Variants in SORT1 observed in about 807,000 individuals in gnomAD.
SORT1 encodes the protein sortilin 1, also known as sortilin.
Under a neutral mutation model 101.7 loss-of-function variants are expected in SORT1, and 39 were observed. That is an observed-to-expected ratio of 0.38 (90% CI 0.30 to 0.50). SORT1 has a LOEUF of 0.50. Ranked by LOEUF, SORT1 falls within the 20% of genes least tolerant of loss-of-function variation. SORT1 has a pLI of 0.90. For synonymous variants in SORT1, 396 were observed against 393.7 expected (o/e 1.01, Z -0.07); for missense variants, 878 against 1,040.4 (o/e 0.84, Z 2.15).
intron 7 of SORT1, among the ~76,000 whole-genome samples, 184 bp downstream of exon 7, chr1:109,347,299 T>C (rs1248669646): frequency 6.6e-6 from 1 of 152,238 alleles, no homozygotes; most frequent in East Asian, 1.9e-4. Flanking sequence ...TATTTTTACT[T>C]GATCTGGGTA....
chr1:109,352,531 G>C (rs1411046625), intron 5 of SORT1, among the ~76,000 whole-genome samples: 1 of 152,178 alleles, frequency 6.6e-6, no homozygotes, highest in Non-Finnish European at 1.5e-5. Context: ...ATGGGACAGA[G>C]ATGTCCTAGT....
In SORT1 at chr1:109,397,908, C is replaced by T. The variant is rs1434157551; in HGVS notation, c.-16G>A. On this transcript the variant is annotated 5_prime_UTR_variant, in exon 1 of 20. Coordinates refer to ENST00000256637, the MANE Select transcript of SORT1 (RefSeq NM_002959.7). ...GCCGCTCCATCGCCGCCGAATGCCG[C>T]CGACGCCGACACCTGCCGCCCGGCG... 3.5e-6 allele frequency: 4 copies of T among 1,145,020 alleles called. No homozygotes were observed. Among genetic ancestry groups the T allele is most frequent in the Non-Finnish European group, 4.3e-6 (4 of 934,542 alleles). The allele number at this position is 1,145,020 out of a possible 1,614,324, so 70.9% of individuals were successfully genotyped here. A position where few individuals can be genotyped will look rare whatever the true frequency, so the allele number is the denominator to read the frequency against.
At position 109,316,867 on chromosome 1, in the gene SORT1, A is replaced by G. The variant is rs1647256204; in HGVS notation, c.2233T>C (p.Leu745=). 6.2e-7 allele frequency: 1 copy of G among 1,609,854 alleles called. No homozygotes were observed. ...TAACATACCTGTTTTTCCGGACTCA[A>G]AAAGTTGCTTGTGCATTTCTTTTTC... The part of the protein sequence containing the change: ...DLKKKCTSNF[L]SPEKQNSKSN... Residue 745 remains leucine, a synonymous_variant, in exon 17 of 20, where the codon TTG becomes CTG. Coordinates refer to ENST00000256637, the MANE Select transcript of SORT1 (RefSeq NM_002959.7).
At chr1:109,350,817 C>T in intron 6 of SORT1, 112 bp downstream of exon 6, 1 of 774,030 alleles carries the variant, frequency 1.3e-6, no homozygotes, top group Non-Finnish European at 2.3e-6. Context: ...CTTATGGCAC[C>T]CTGAAGAGTA....
chr1:109,322,086 TTTTC>T (rs1168328454), intron 15 of SORT1, among the ~76,000 whole-genome samples: 5 of 151,606 alleles, frequency 3.3e-5, no homozygotes, highest in East Asian at 1.9e-4. Context: ...TGTCAAGGGG[TTTTC>T]TTTTTCTTTC....
chr1:109,361,808 T>C (rs1650739982), intron 3 of SORT1, among the ~76,000 whole-genome samples: 1 of 152,244 alleles, frequency 6.6e-6, no homozygotes, highest in Non-Finnish European at 1.5e-5. Context: ...CAGTCATTTA[T>C]AGACATTCAT....
intron 3 of SORT1, chr1:109,366,899 T>C (rs1651126990): frequency 8.4e-6 from 1 of 118,556 alleles, no homozygotes; most frequent in Admixed American, 1.0e-4. Flanking sequence ...GTGACAGAGC[T>C]AGACCCTGCT....
At chr1:109,363,168 G>C (rs1008198223) in intron 3 of SORT1, among the ~76,000 whole-genome samples, 2 of 152,134 alleles carry the variant, frequency 1.3e-5, no homozygotes, top group Non-Finnish European at 2.9e-5. Context: ...ATATAACATT[G>C]GTGTAGAATA....
chr1:109,365,070 G>A (rs927773150), intron 3 of SORT1, among the ~76,000 whole-genome samples: 6 of 152,186 alleles, frequency 3.9e-5, no homozygotes, highest in African/African-American at 1.2e-4. Context: ...CAACATCAAA[G>A]GGGAAGGTCA....
At chr1:109,340,589 A>AAT in intron 10 of SORT1, 135 bp downstream of exon 10, 1 of 845,806 alleles carries the variant, frequency 1.2e-6, no homozygotes, top group Non-Finnish European at 1.8e-6. Context: ...AAAAAAAAAA[A>AAT]GGAAACAAAA....
At chr1:109,390,841 A>G (rs1454776238) in intron 1 of SORT1, among the ~76,000 whole-genome samples, 3 of 151,864 alleles carry the variant, frequency 2.0e-5, no homozygotes, top group African/African-American at 7.3e-5. Context: ...TAAAATGCTT[A>G]TCCAAAGCAA....
At chr1:109,355,275 C>T (rs1197488924) in intron 4 of SORT1, 92 bp downstream of exon 4, 11 of 743,018 alleles carry the variant, frequency 1.5e-5, no homozygotes, top group Non-Finnish European at 2.7e-5. Flanking sequence ...AAATACATTA[C>T]TGTGAATCAC....
At chr1:109,358,820 T>C (rs1326865490) in intron 3 of SORT1, among the ~76,000 whole-genome samples, 2 of 149,888 alleles carry the variant, frequency 1.3e-5, no homozygotes, top group Non-Finnish European at 3.0e-5. Context: ...GCCACTGCAC[T>C]GCAGCCTGGG....
At chr1:109,351,809 T>C (rs1649978045) in intron 5 of SORT1, among the ~76,000 whole-genome samples, 1 of 152,186 alleles carries the variant, frequency 6.6e-6, no homozygotes, top group Admixed American at 6.5e-5. Context: ...GGGTCCAGAC[T>C]AGAGGCAAGG....
chr1:109,347,574 T>C, intron 6 of SORT1, 42 bp from the exon 7 acceptor site: 1 of 1,395,552 alleles, frequency 7.2e-7, no homozygotes, highest in Non-Finnish European at 1.0e-6. Context: ...GGTTTAAGAC[T>C]GCTGAAGGAC....
In SORT1 at chr1:109,311,835, C is replaced by G. The variant is rs1658745927; in HGVS notation, c.*2208G>C. On this transcript the variant is annotated 3_prime_UTR_variant, in exon 20 of 20. Transcript: ENST00000256637. ...GCAGCCTTGCTCAAAGTGGTTAGCA[C>G]TCGCATGTGTAAAGATTTCCAAGAG... The G allele has an allele frequency of 6.6e-6, 1 of 152,478 alleles. No individual in the cohort carries two copies. The highest frequency in any genetic ancestry group is 6.5e-5 in the Admixed American group (1 of 15,286). 9.4% of individuals were successfully genotyped at this position (152,478 alleles called of 1,614,324 possible).
At chr1:109,359,369 G>A (rs1340335924) in intron 3 of SORT1, among the ~76,000 whole-genome samples, 1 of 151,906 alleles carries the variant, frequency 6.6e-6, no homozygotes, top group African/African-American at 2.4e-5. Context: ...GAGTTCAGAG[G>A]GAACATAAAC....
intron 1 of SORT1, among the ~76,000 whole-genome samples, chr1:109,394,190 T>C (rs1653065439): frequency 6.6e-6 from 1 of 152,184 alleles, no homozygotes; most frequent in Non-Finnish European, 1.5e-5. Context: ...TCATCCCTTT[T>C]GTTTGTTTTT....
chr1:109,317,982 G>T lies in SORT1; in HGVS notation c.2025-13C>A. 6.5e-7 allele frequency: 1 copy of T among 1,539,252 alleles called. No individual in the cohort carries two copies. The highest frequency in any genetic ancestry group is 9.0e-7 in the Non-Finnish European group (1 of 1,112,160). ...GTAGCCAAAATCACTGCAAGAGTCA[G>T]CAAATAAAGTACCTTTCAAAGCAGC... On this transcript the variant is annotated splice_polypyrimidine_tract_variant and intron_variant, in intron 15 of 19. Coordinates refer to ENST00000256637, the MANE Select transcript of SORT1 (RefSeq NM_002959.7).
Sources: allele counts gnomAD v4.1 joint callset (sites outside exome capture counted in the v4.1 genomes callset), GRCh38; gene constraint gnomAD v4.1.1; transcripts MANE v1.5; gene names NCBI Gene and HGNC (gene_info 2026-07-23, HGNC 2026-07-21).